The following RAB11FIP1 variants were observed in gnomAD, a reference collection of about 807,000 sequenced individuals.
RAB11FIP1 encodes the protein rab11 family-interacting protein 1.
RAB11FIP1 carries 49 observed loss-of-function variants against 83.1 expected under a neutral mutation model. That is an observed-to-expected ratio of 0.59 (90% CI 0.47 to 0.75). The LOEUF (loss-of-function observed/expected upper bound fraction) is 0.75. Among genes scored for constraint, RAB11FIP1 ranks in the 30% least tolerant of loss-of-function variants. RAB11FIP1 has a pLI of 0.00. For synonymous variants in RAB11FIP1, 670 were observed against 656.0 expected, an observed-to-expected ratio of 1.02 and a Z score of -0.33; for missense variants, 1,536 against 1,598.7, an observed-to-expected ratio of 0.96 and a Z score of 0.67.
Position 37,871,860 on chromosome 8 carries a change from T to C in RAB11FIP1, c.2942A>G (p.Gln981Arg). Reference sequence around the variant, plus strand: ...TGCTGTCTCTCCATCATCTTCAACCTGATCTCCGTCATCTTCAACCTGATC... The same window carrying C: ...TGCTGTCTCTCCATCATCTTCAACCCGATCTCCGTCATCTTCAACCTGATC... ...RIDQVEDDGDQVEDDGETAKS... is the reference protein window; with the variant it reads ...RIDQVEDDGDRVEDDGETAKS... The change falls in exon 4 of 6, where the codon CAG becomes CGG. Residue 981 changes from glutamine (Q) to arginine (R), a missense_variant. Transcript: ENST00000330843. 6.2e-7 allele frequency: 1 copy of C among 1,614,080 alleles called. No homozygotes were observed. The highest frequency in any genetic ancestry group is 8.5e-7 in the Non-Finnish European group (1 of 1,180,004).
intron 1 of RAB11FIP1, among the ~76,000 whole-genome samples, chr8:37,894,244 C>A (rs1483510670): frequency 6.6e-6 from 1 of 152,050 alleles, no homozygotes; most frequent in African/African-American, 2.4e-5. Flanking sequence ...AAACAAACAC[C>A]CATTGCTTAT....
rs755611447 is a variant in RAB11FIP1, at chr8:37,871,267, C to T, written c.3524+11G>A. 23 of 1,590,240 alleles carry T rather than the reference C, an allele frequency of 1.4e-5. No homozygotes were observed. Among genetic ancestry groups the T allele is most frequent in the Middle Eastern group, 2.0e-4 (1 of 4,952 alleles). On this transcript the variant is annotated intron_variant, in intron 4 of 5. Coordinates refer to ENST00000330843, the MANE Select transcript of RAB11FIP1 (RefSeq NM_001002814.3). Reference sequence around the variant, plus strand: ...CTCACATTTACATAGACAATCTCCCCCATCTCTCACCTGTGCTTGGCTGAC... The same window carrying T: ...CTCACATTTACATAGACAATCTCCCTCATCTCTCACCTGTGCTTGGCTGAC...
At chr8:37,884,749 A>T (rs145174908) in intron 1 of RAB11FIP1, among the ~76,000 whole-genome samples, 227 of 152,172 alleles carry the variant, frequency 1.5e-3, no homozygotes, top group African/African-American at 5.2e-3. Context: ...GGGTTTCACC[A>T]TGTTGGCCAG....
At position 37,865,845 on chromosome 8, in the gene RAB11FIP1, G is replaced by T. The variant is rs566979563; in HGVS notation, c.3634-2732C>A. Among the ~76,000 whole-genome samples, 3 of 152,098 alleles carry T rather than the reference G, an allele frequency of 2.0e-5. No individual in the cohort carries two copies. The South Asian group carries it at 6.2e-4, about 32-fold the overall frequency. The stretch of plus-strand genomic sequence containing the variant: ...TTATATATAACATTTTTATCAAAAT[G>T]CACGAACATAAATCTTTGGCCATAT... On this transcript the variant is annotated intron_variant, in intron 5 of 5. Transcript: ENST00000330843.
chr8:37,883,606 C>G (rs901400020), intron 1 of RAB11FIP1, among the ~76,000 whole-genome samples: 1 of 152,196 alleles, frequency 6.6e-6, no homozygotes, highest in African/African-American at 2.4e-5. Flanking sequence ...AAATCCCAAA[C>G]CAGAAGAACA....
intron 1 of RAB11FIP1, among the ~76,000 whole-genome samples, chr8:37,879,609 G>A (rs186511073): frequency 7.2e-4 from 109 of 151,902 alleles, no homozygotes; most frequent in African/African-American, 2.6e-3. Context: ...GGGGCCAGGC[G>A]CAGTGGCTCA....
intron 1 of RAB11FIP1, among the ~76,000 whole-genome samples, chr8:37,890,100 G>A (rs1282429747): frequency 6.6e-6 from 1 of 152,162 alleles, no homozygotes; most frequent in Non-Finnish European, 1.5e-5. Flanking sequence ...TCTAAATCCT[G>A]TTTTAATAAC....
At chr8:37,886,284 A>G (rs1421230555) in intron 1 of RAB11FIP1, among the ~76,000 whole-genome samples, 1 of 152,218 alleles carries the variant, frequency 6.6e-6, no homozygotes, top group Non-Finnish European at 1.5e-5. Context: ...AGAGAAATTA[A>G]TTACAGGTAA....
intron 1 of RAB11FIP1, among the ~76,000 whole-genome samples, chr8:37,894,759 C>G (rs577610874): frequency 7.0e-6 from 1 of 143,764 alleles, no homozygotes; most frequent in Admixed American, 6.9e-5. Context: ...CACATACATA[C>G]ATATTTTGAG....
chr8:37,895,947 G>A (rs1807079406), intron 1 of RAB11FIP1, among the ~76,000 whole-genome samples: 1 of 152,044 alleles, frequency 6.6e-6, no homozygotes, highest in Non-Finnish European at 1.5e-5. Context: ...TTTTAAGTCT[G>A]AAATGGAGTC....
intron 1 of RAB11FIP1, among the ~76,000 whole-genome samples, chr8:37,879,207 T>C (rs993815263): frequency 1.3e-5 from 2 of 151,756 alleles, no homozygotes; most frequent in African/African-American, 4.8e-5. Context: ...ATGCAGGAGG[T>C]TGAAGCAGGA....
In RAB11FIP1 at chr8:37,875,287, T is replaced by C. The variant is rs1563369510; in HGVS notation, c.850A>G (p.Lys284Glu). The C allele has an allele frequency of 6.2e-7, 1 of 1,613,432 alleles. No individual in the cohort carries two copies. Among genetic ancestry groups the C allele is most frequent in the Non-Finnish European group, 8.5e-7 (1 of 1,179,798 alleles). The change falls in exon 3 of 6, where the codon AAG becomes GAG. Residue 284 changes from lysine (K) to glutamate (E), a missense_variant. By Grantham distance (56) the Lys-to-Glu change is moderately conservative. Transcript: ENST00000330843. Reference protein sequence around the residue: ...SHKRTASTDLKQLNQVNFTLP... With the variant: ...SHKRTASTDLEQLNQVNFTLP... The stretch of plus-strand genomic sequence containing the variant: ...GTAAAGTTGACCTGGTTCAGTTGCT[T>C]AAGATCCGTACTCGCTGTTCTCTTG...
chr8:37,868,827 C>T (rs1189418326), intron 5 of RAB11FIP1, among the ~76,000 whole-genome samples: 3 of 151,844 alleles, frequency 2.0e-5, no homozygotes, highest in African/African-American at 7.3e-5. Context: ...TAGAGACCCT[C>T]CAAATGAGCA....
At chr8:37,889,872 C>A (rs1806912483) in intron 1 of RAB11FIP1, among the ~76,000 whole-genome samples, 1 of 152,156 alleles carries the variant, frequency 6.6e-6, no homozygotes, top group Non-Finnish European at 1.5e-5. Context: ...CAAGCTCTGC[C>A]TCCCAGGTTC....
chr8:37,869,212 A>G (rs1806398946), intron 5 of RAB11FIP1, among the ~76,000 whole-genome samples: 1 of 142,616 alleles, frequency 7.0e-6, no homozygotes, highest in Non-Finnish European at 1.5e-5. Flanking sequence ...TGGGCAACAG[A>G]ATGAGATCCT....
chr8:37,866,679 G>A (rs200787243), intron 5 of RAB11FIP1, among the ~76,000 whole-genome samples: 27 of 147,966 alleles, frequency 1.8e-4, no homozygotes, highest in Non-Finnish European at 1.5e-4. Flanking sequence ...ACCAAGAAAA[G>A]AAAAAAAAAA....
rs1332877480 is a variant in RAB11FIP1 at position 37,874,663 on chromosome 8, C to T, written c.1474G>A (p.Ala492Thr). Residue 492 changes from alanine to threonine, a missense_variant, in exon 3 of 6, where the codon GCA (alanine) becomes ACA (threonine). Ala to Thr is a moderately conservative substitution (Grantham distance 58). Coordinates refer to ENST00000330843, the MANE Select transcript of RAB11FIP1 (RefSeq NM_001002814.3). ...CTGCCCTGTCTGGAGACAACAGCTG[C>T]AGTATCTTTCTCAGATCTTCTCACA... is the stretch of plus-strand genomic sequence containing the variant. ...DLVRRSEKDTAAVVSRQGSSL... is the reference protein window; with the variant it reads ...DLVRRSEKDTTAVVSRQGSSL... The T allele has an allele frequency of 1.9e-6, 3 of 1,614,214 alleles. No individual in the cohort carries two copies. Among genetic ancestry groups the T allele is most frequent in the South Asian group, 2.2e-5 (2 of 91,080 alleles).
Position 37,871,395 on chromosome 8 carries a change from G to A in RAB11FIP1, c.3407C>T (p.Ala1136Val). 6.2e-7 allele frequency: 1 copy of A among 1,614,218 alleles called. No homozygotes were observed. Among genetic ancestry groups the A allele is most frequent in the Non-Finnish European group, 8.5e-7 (1 of 1,180,036 alleles). ...CTTGCCAAAATTTTCAACTCTACCAGCGGAGCCCTCTGCTGTGGCTTTTTT... is the reference window on the plus strand; with the variant it reads ...CTTGCCAAAATTTTCAACTCTACCAACGGAGCCCTCTGCTGTGGCTTTTTT... ...SQKKATAEGSAGRVENFGKRK... is the reference protein window; with the variant it reads ...SQKKATAEGSVGRVENFGKRK... Residue 1136 changes from alanine to valine, a missense_variant, in exon 4 of 6, where the codon GCT becomes GTT. By Grantham distance (64) the Ala-to-Val change is moderately conservative (BLOSUM62 0). Transcript: ENST00000330843.
At chr8:37,880,200 G>A (rs1185621191) in intron 1 of RAB11FIP1, among the ~76,000 whole-genome samples, 2 of 152,148 alleles carry the variant, frequency 1.3e-5, no homozygotes, top group East Asian at 1.9e-4. Flanking sequence ...GCTCACACCT[G>A]TAATCCCAGT....
Sources: gnomAD v4.1 joint callset for allele counts (sites outside exome capture counted in the v4.1 genomes callset) on GRCh38, gnomAD v4.1.1 for gene constraint, MANE v1.5 for transcripts, NCBI Gene and HGNC (gene_info 2026-07-23, HGNC 2026-07-21) for gene names.